PDGFRB: variants seen among roughly 807,000 people sequenced by gnomAD.
PDGFRB encodes the protein platelet-derived growth factor receptor beta.
Under a neutral mutation model 120.2 loss-of-function variants are expected in PDGFRB, and 42 were observed. The observed-to-expected ratio is 0.35, with a 90% confidence interval of 0.27 to 0.45. The LOEUF (loss-of-function observed/expected upper bound fraction) is 0.45, where lower values mean the gene tolerates loss of function less well. Among genes scored for constraint, PDGFRB ranks in the 20% least tolerant of loss-of-function variants. The pLI, the probability that PDGFRB is intolerant of heterozygous loss-of-function variation, is 1.00. For missense variants in PDGFRB, 1,149 were observed against 1,476.3 expected, an observed-to-expected ratio of 0.78 and a Z score of 3.63; for synonymous variants, 586 against 606.8, an observed-to-expected ratio of 0.97 and a Z score of 0.50.
chr5:150,151,745 C>A (rs1761082343), intron 1 of PDGFRB, among the ~76,000 whole-genome samples: 1 of 151,716 alleles, frequency 6.6e-6, no homozygotes, highest in Non-Finnish European at 1.5e-5. Context: ...GCCTGTAATC[C>A]CAGCTACTTG....
intron 22 of PDGFRB, among the ~76,000 whole-genome samples, chr5:150,116,650 A>G (rs925500752): frequency 2.6e-5 from 4 of 152,086 alleles, no homozygotes; most frequent in Admixed American, 2.0e-4. Flanking sequence ...TAAAAAAAAA[A>G]AGAAGAGGAC....
Position 150,115,650 on chromosome 5 carries a change from G to T in PDGFRB, c.*113C>A. On this transcript the variant is annotated 3_prime_UTR_variant, in exon 23 of 23. Coordinates refer to ENST00000261799, the MANE Select transcript of PDGFRB (RefSeq NM_002609.4). ...TCAGGAGCAGAAAGCTTCCAGAAGG[G>T]GACAGCTGATAAGGGCAGCCTGGCT... 1 of 1,003,046 alleles carries T rather than the reference G, an allele frequency of 1.0e-6. No homozygotes were observed. The allele number at this position is 1,003,046 out of a possible 1,614,324, so 62.1% of individuals were successfully genotyped here.
chr5:150,155,698 G>A lies in PDGFRB; in HGVS notation c.-308C>T, dbSNP rs1761212753. 8 of 398,708 alleles carry A rather than the reference G, an allele frequency of 2.0e-5. 1 individual carries two copies. The highest frequency in any genetic ancestry group is 2.5e-4 in the South Asian group (2 of 7,860). 24.7% of individuals were successfully genotyped at this position (398,708 alleles called of 1,614,324 possible). On this transcript the variant is annotated 5_prime_UTR_variant, in exon 1 of 23. In the 5' UTR this introduces an upstream ATG that the reference lacks. Coordinates refer to ENST00000261799, the MANE Select transcript of PDGFRB (RefSeq NM_002609.4). ...GGCCGCCCTGGGTCTGGCTGTCTGC[G>A]TTGGGCAGGGCGAGCACAGGCTGCT...
chr5:150,130,453 A>G (rs1760430879), intron 9 of PDGFRB, 86 bp downstream of exon 9: 1 of 1,340,574 alleles, frequency 7.5e-7, no homozygotes, highest in South Asian at 1.3e-5. Flanking sequence ...CAATATGCCA[A>G]GAAGAACGGG....
At chr5:150,143,963 C>T (rs568522142) in intron 1 of PDGFRB, among the ~76,000 whole-genome samples, 43 of 152,294 alleles carry the variant, frequency 2.8e-4, no homozygotes, top group Admixed American at 2.5e-3. Context: ...CACGCTGCTT[C>T]TAGGCCCGGG....
At chr5:150,128,529 C>A (rs961541930) in intron 10 of PDGFRB, among the ~76,000 whole-genome samples, 2 of 152,224 alleles carry the variant, frequency 1.3e-5, no homozygotes, top group Non-Finnish European at 2.9e-5. Context: ...ATCTGCCACC[C>A]TTCCAGCCCC....
chr5:150,153,979 G>A (rs925697952), intron 1 of PDGFRB: 1 of 152,138 alleles, frequency 6.6e-6, no homozygotes. Flanking sequence ...GCACAGGATG[G>A]GGAAACCTTA....
intron 1 of PDGFRB, among the ~76,000 whole-genome samples, chr5:150,141,625 G>A (rs1760787069): frequency 6.6e-6 from 1 of 152,106 alleles, no homozygotes; most frequent in Non-Finnish European, 1.5e-5. Flanking sequence ...AGTGGGGACT[G>A]AAAAAAACAG....
At chr5:150,130,796 C>G in intron 8 of PDGFRB, 134 bp from the exon 9 acceptor site, 1 of 755,436 alleles carries the variant, frequency 1.3e-6, no homozygotes, top group Non-Finnish European at 2.2e-6. Flanking sequence ...CATTAAATAC[C>G]AGGAATCAGT....
chr5:150,142,821 G>A (rs140143304), intron 1 of PDGFRB, among the ~76,000 whole-genome samples: 28 of 152,248 alleles, frequency 1.8e-4, no homozygotes, highest in African/African-American at 6.7e-4. Context: ...AAAATATACT[G>A]TAATAAAAGT....
intron 1 of PDGFRB, among the ~76,000 whole-genome samples, chr5:150,143,849 C>T (rs1760845387): frequency 1.3e-5 from 2 of 152,138 alleles, no homozygotes; most frequent in African/African-American, 4.8e-5. Flanking sequence ...CAGTGCTCCA[C>T]CCCTGCACCA....
intron 1 of PDGFRB, among the ~76,000 whole-genome samples, chr5:150,149,996 C>T (rs1174947154): frequency 6.6e-6 from 1 of 152,166 alleles, no homozygotes; most frequent in Non-Finnish European, 1.5e-5. Context: ...TTGGCTTCTC[C>T]CCACTTTATT....
intron 1 of PDGFRB, chr5:150,153,525 G>C (rs1761139792): frequency 6.6e-6 from 1 of 152,260 alleles, no homozygotes; most frequent in African/African-American, 2.4e-5. Context: ...AGCCTCTCCA[G>C]ATCTCAGCTT....
chr5:150,139,272 C>G (rs964053929), intron 1 of PDGFRB, among the ~76,000 whole-genome samples: 1 of 152,120 alleles, frequency 6.6e-6, no homozygotes, highest in Non-Finnish European at 1.5e-5. Context: ...TGTAGGCACC[C>G]CAGGGATCTC....
chr5:150,116,369 T>C (rs777406363), intron 22 of PDGFRB, among the ~76,000 whole-genome samples: 1 of 152,036 alleles, frequency 6.6e-6, no homozygotes, highest in Non-Finnish European at 1.5e-5. Flanking sequence ...TCCCAGCACT[T>C]TGGGAGGCCG....
intron 1 of PDGFRB, among the ~76,000 whole-genome samples, chr5:150,139,840 C>T (rs775357082): frequency 1.3e-5 from 2 of 152,074 alleles, no homozygotes; most frequent in African/African-American, 2.4e-5. Context: ...ATTAGCTGGA[C>T]ATGGTGGCAA....
rs74846250 is a variant in PDGFRB, at chr5:150,130,483, C to A, written c.1367+56G>T. The A allele has an allele frequency of 6.9e-3, 10,897 of 1,572,366 alleles. 368 individuals are homozygous for A. The highest frequency in any genetic ancestry group is 0.058 in the Admixed American group (3,197 of 54,736). ...AACGGGCGGGACTAGATAACCTTCA[C>A]GAGCTTTTTCTAGCCAGCTGGGGAC... On this transcript the variant is annotated intron_variant, in intron 9 of 22. Coordinates refer to ENST00000261799, the MANE Select transcript of PDGFRB (RefSeq NM_002609.4).
intron 1 of PDGFRB, among the ~76,000 whole-genome samples, chr5:150,152,898 A>C (rs1761116759): frequency 6.6e-6 from 1 of 152,248 alleles, no homozygotes; most frequent in South Asian, 2.1e-4. Context: ...TGGAGCCCAC[A>C]CACGGTCCTG....
At chr5:150,117,143 T>A (rs1759960979) in intron 22 of PDGFRB, among the ~76,000 whole-genome samples, 1 of 152,222 alleles carries the variant, frequency 6.6e-6, no homozygotes, top group Non-Finnish European at 1.5e-5. Context: ...CCAGTCTGAA[T>A]TCTGTCCTGA....
Sources: gnomAD v4.1 joint callset for allele counts (sites outside exome capture counted in the v4.1 genomes callset) on GRCh38, gnomAD v4.1.1 for gene constraint, MANE v1.5 for transcripts, NCBI Gene and HGNC (gene_info 2026-07-23, HGNC 2026-07-21) for gene names.